HIRA: variants seen among roughly 807,000 people sequenced by gnomAD.
HIRA encodes the protein histone cell cycle regulator, also known as protein HIRA.
Under a neutral mutation model 126.6 loss-of-function variants are expected in HIRA, and 13 were observed. The ratio of observed to expected loss-of-function variants is 0.10; its 90% CI spans 0.07 to 0.16. HIRA has a LOEUF of 0.16. Among genes scored for constraint, HIRA ranks in the 10% least tolerant of loss-of-function variants. The pLI, the probability that HIRA is intolerant of heterozygous loss-of-function variation, is 1.00. For synonymous variants in HIRA, 511 were observed against 520.0 expected (o/e 0.98, Z 0.24); for missense variants, 834 against 1,314.4 (o/e 0.63, Z 5.65).
chr22:19,427,312 T>C (rs1282190021), intron 1 of HIRA, among the ~76,000 whole-genome samples: 1 of 152,186 alleles, frequency 6.6e-6, no homozygotes. Flanking sequence ...ACCACTGCAA[T>C]CATATAACCT....
intron 17 of HIRA, 40 bp downstream of exon 17, chr22:19,361,197 G>A: frequency 7.0e-7 from 1 of 1,423,496 alleles, no homozygotes; most frequent in Non-Finnish European, 9.9e-7. Context: ...AGAATGTCTG[G>A]GTGTGCCTGA....
intron 24 of HIRA, 69 bp from the exon 25 acceptor site, chr22:19,331,625 G>T: frequency 7.1e-7 from 1 of 1,417,398 alleles, no homozygotes; most frequent in Non-Finnish European, 9.6e-7. Flanking sequence ...GACTTTCCTG[G>T]CCTGGCAGAG....
intron 13 of HIRA, among the ~76,000 whole-genome samples, chr22:19,380,379 A>C (rs996279248): frequency 2.0e-5 from 3 of 152,178 alleles, no homozygotes; most frequent in Non-Finnish European, 2.9e-5. Flanking sequence ...GAATTAGCCA[A>C]TGTTTTATCA....
intron 15 of HIRA, among the ~76,000 whole-genome samples, chr22:19,370,578 C>T (rs1272390440): frequency 6.6e-6 from 1 of 152,180 alleles, no homozygotes; most frequent in Admixed American, 6.5e-5. Context: ...AGGGCTCCTC[C>T]TGGTTTTCAT....
At position 19,431,578 on chromosome 22, in the gene HIRA, T is replaced by A. The variant is rs981554854; in HGVS notation, c.-102A>T. ...CCGCTTCCTCCCGCGCCACCCGCCC[T>A]CCGGCCGCCGCCCGCCCCGCGCCCT... On this transcript the variant is annotated 5_prime_UTR_variant, in exon 1 of 25. Coordinates refer to ENST00000263208, the MANE Select transcript of HIRA (RefSeq NM_003325.4). 9 of 951,514 alleles carry A rather than the reference T, an allele frequency of 9.5e-6. No individual in the cohort carries two copies. The Admixed American group carries it at 4.4e-4, about 47-fold the overall frequency. 58.9% of individuals were successfully genotyped at this position (951,514 alleles called of 1,614,324 possible). A position where few individuals can be genotyped will look rare whatever the true frequency, so the allele number is the denominator to read the frequency against.
chr22:19,361,641 C>T, intron 16 of HIRA, 86 bp downstream of exon 16: 1 of 1,385,210 alleles, frequency 7.2e-7, no homozygotes, highest in Non-Finnish European at 1.0e-6. Context: ...ACCCACCCAG[C>T]TGAGGCTTAC....
rs2283648 is a variant in HIRA at position 19,347,404 on chromosome 22, T to G, written c.2937+3954A>C. Reference sequence around the variant, plus strand: ...TTTAGAAAATGTTAGCATCTGCAGCTGATATCTGAGAAGATATCACAAGCC... The same window carrying G: ...TTTAGAAAATGTTAGCATCTGCAGCGGATATCTGAGAAGATATCACAAGCC... On this transcript the variant is annotated intron_variant, in intron 24 of 24. Transcript: ENST00000263208. Among the ~76,000 whole-genome samples, 48 of 152,350 alleles carry G rather than the reference T, an allele frequency of 3.2e-4. No individual in the cohort carries two copies. In the East Asian group the frequency reaches 8.5e-3, roughly 27 times the overall value.
chr22:19,375,816 A>G lies in HIRA; in HGVS notation c.1614-24T>C, dbSNP rs1398093421. On this transcript the variant is annotated intron_variant, in intron 14 of 24. Transcript: ENST00000263208. Reference sequence around the variant, plus strand: ...TACTGGGGTGAAGAAGAGGGGAGGCATGTCAAGCGCAATCCTGAAAGGATC... The same window carrying G: ...TACTGGGGTGAAGAAGAGGGGAGGCGTGTCAAGCGCAATCCTGAAAGGATC... 3.7e-6 allele frequency: 6 copies of G among 1,613,138 alleles called. No individual in the cohort carries two copies. The Admixed American group carries it at 5.0e-5, about 13-fold the overall frequency.
chr22:19,418,414 G>A (rs985337238), intron 1 of HIRA, among the ~76,000 whole-genome samples: 2 of 151,870 alleles, frequency 1.3e-5, no homozygotes, highest in African/African-American at 4.8e-5. Flanking sequence ...CATGAGGTCA[G>A]GAGATTGAGA....
At chr22:19,430,418 C>A (rs1279843893) in intron 1 of HIRA, among the ~76,000 whole-genome samples, 1 of 152,118 alleles carries the variant, frequency 6.6e-6, no homozygotes, top group East Asian at 1.9e-4. Context: ...CATCCTGGGA[C>A]CAAATTCAAA....
At chr22:19,368,424 T>TA (rs935084208) in intron 15 of HIRA, among the ~76,000 whole-genome samples, 8 of 150,972 alleles carry the variant, frequency 5.3e-5, no homozygotes, top group African/African-American at 7.4e-5. Flanking sequence ...CAAAATCCTT[T>TA]AAAAATTTTT....
chr22:19,359,568 C>T (rs2088845412), intron 17 of HIRA, 84 bp from the exon 18 acceptor site: 2 of 1,372,044 alleles, frequency 1.5e-6, no homozygotes, highest in Non-Finnish European at 9.5e-7. Flanking sequence ...CCTGGGGCCC[C>T]AAGGCAGCAG....
chr22:19,377,641 G>A (rs1413494061), intron 14 of HIRA, among the ~76,000 whole-genome samples: 3 of 152,112 alleles, frequency 2.0e-5, no homozygotes, highest in Admixed American at 1.3e-4. Flanking sequence ...CCTGACCCTC[G>A]GTCAGCCTTG....
At chr22:19,401,055 T>G (rs1360654777) in intron 5 of HIRA, among the ~76,000 whole-genome samples, 1 of 151,910 alleles carries the variant, frequency 6.6e-6, no homozygotes, top group Non-Finnish European at 1.5e-5. Flanking sequence ...CCACTCCCCC[T>G]TTTCTTCTCC....
At position 19,332,534 on chromosome 22, in the gene HIRA, T is replaced by C. The variant is rs1319919501; in HGVS notation, c.2938-978A>G. Among the ~76,000 whole-genome samples, 4 of 152,128 alleles carry C rather than the reference T, an allele frequency of 2.6e-5. No individual in the cohort carries two copies. In the East Asian group the frequency reaches 7.7e-4, roughly 29 times the overall value. On this transcript the variant is annotated intron_variant, in intron 24 of 24. Coordinates refer to ENST00000263208, the MANE Select transcript of HIRA (RefSeq NM_003325.4). ...GTTTGTCAACTCCTAAAATAGATCA[T>C]GTTTTCTAACTAAAATAATTGAGTA...
chr22:19,397,107 A>G (rs1282516688), intron 6 of HIRA, among the ~76,000 whole-genome samples, 160 bp from the exon 7 acceptor site: 1 of 152,172 alleles, frequency 6.6e-6, no homozygotes, highest in East Asian at 1.9e-4. Context: ...TTTGATCTCC[A>G]CCAAGGCAAA....
At chr22:19,350,262 TATTCACTGCTGCCTGCCCC>T (rs372574624) in intron 24 of HIRA, among the ~76,000 whole-genome samples, 14 of 152,324 alleles carry the variant, frequency 9.2e-5, no homozygotes, top group African/African-American at 1.7e-4. Flanking sequence ...CAGTCTGCCT[TATTCACTGCTGCCTGCCCC>T]ATTCACTGCT....
chr22:19,339,155 C>T (rs2088599045), intron 24 of HIRA, among the ~76,000 whole-genome samples: 1 of 152,116 alleles, frequency 6.6e-6, no homozygotes, highest in South Asian at 2.1e-4. Flanking sequence ...AAGGAACCCT[C>T]AAAACTATAC....
At position 19,351,750 on chromosome 22, in the gene HIRA, G is replaced by A. The variant is rs534821511; in HGVS notation, c.2849-304C>T. Among the ~76,000 whole-genome samples, 1 of 152,264 alleles carries A rather than the reference G, an allele frequency of 6.6e-6. No homozygotes were observed. Among genetic ancestry groups the A allele is most frequent in the Non-Finnish European group, 1.5e-5 (1 of 68,022 alleles). On this transcript the variant is annotated intron_variant, in intron 23 of 24. Transcript: ENST00000263208. The surrounding 1 kb of genome is among the most constrained non-coding windows in gnomAD (Gnocchi z 4.8). ...CCAGTTCTGTGATAAACTCCTTAAG[G>A]TGATGGGAAGATATGGGAAATTGTG... is the stretch of plus-strand genomic sequence containing the variant.
Sources: gnomAD v4.1 joint callset for allele counts (sites outside exome capture counted in the v4.1 genomes callset) on GRCh38, gnomAD v4.1.1 for gene constraint, Gnocchi (gnomAD v3.1) non-coding constraint, MANE v1.5 for transcripts, NCBI Gene and HGNC (gene_info 2026-07-23, HGNC 2026-07-21) for gene names.